The following LPAR3 variants were observed in gnomAD, a reference collection of about 807,000 sequenced individuals.
LPAR3 encodes the protein LPA receptor 3.
LPAR3 carries 7 observed loss-of-function variants against 17.8 expected under a neutral mutation model. The observed-to-expected ratio is 0.39, with a 90% confidence interval of 0.22 to 0.74. The LOEUF is 0.74. Among genes scored for constraint, LPAR3 ranks in the 30% least tolerant of loss-of-function variants. LPAR3 has a pLI of 0.40. For missense variants in LPAR3, 391 were observed against 453.4 expected, an observed-to-expected ratio of 0.86 and a Z score of 1.25; for synonymous variants, 179 against 179.9, an observed-to-expected ratio of 0.99 and a Z score of 0.04.
chr1:84,825,321 A>G (rs1659135596), intron 2 of LPAR3, among the ~76,000 whole-genome samples: 3 of 152,216 alleles, frequency 2.0e-5, no homozygotes, highest in Admixed American at 6.5e-5. Context: ...CAGATATTCA[A>G]TATCTAACAT....
chr1:84,889,116 A>G (rs548351054), intron 1 of LPAR3, among the ~76,000 whole-genome samples: 1 of 151,978 alleles, frequency 6.6e-6, no homozygotes, highest in East Asian at 1.9e-4. Flanking sequence ...AGGAATAAAG[A>G]GGAGGACATA....
At chr1:84,877,521 G>T (rs1321490681) in intron 1 of LPAR3, among the ~76,000 whole-genome samples, 1 of 152,174 alleles carries the variant, frequency 6.6e-6, no homozygotes, top group Non-Finnish European at 1.5e-5. Context: ...ATATTCCACA[G>T]CCTCATCTCA....
chr1:84,863,234 C>A (rs1659974814), intron 2 of LPAR3, among the ~76,000 whole-genome samples: 2 of 152,088 alleles, frequency 1.3e-5, no homozygotes, highest in Admixed American at 1.3e-4. Flanking sequence ...ACCACCATGG[C>A]CAGCTAATTT....
chr1:84,843,747 A>G (rs1247872595), intron 2 of LPAR3, among the ~76,000 whole-genome samples: 1 of 152,252 alleles, frequency 6.6e-6, no homozygotes, highest in Non-Finnish European at 1.5e-5. Context: ...AAGTAGCCCA[A>G]TTATCCTCTC....
intron 1 of LPAR3, among the ~76,000 whole-genome samples, chr1:84,882,070 A>C (rs142224208): frequency 2.0e-5 from 3 of 152,242 alleles, no homozygotes; most frequent in Non-Finnish European, 4.4e-5. Context: ...ACATGATCTT[A>C]TATGAAGAAA....
intron 2 of LPAR3, among the ~76,000 whole-genome samples, chr1:84,831,775 G>A (rs1418626244): frequency 1.3e-5 from 2 of 150,640 alleles, no homozygotes; most frequent in African/African-American, 2.4e-5. Flanking sequence ...AAAATTAGAG[G>A]AGAACCCCTA....
chr1:84,861,560 A>G lies in LPAR3; in HGVS notation c.736+3825T>C, dbSNP rs562951208. ...GATGAGGGAATCTAACCAAGAAAAG[A>G]TGAGCTGATGTGCTGCAGATCACCC... On this transcript the variant is annotated intron_variant, in intron 2 of 2. Coordinates refer to ENST00000370611, the MANE Select transcript of LPAR3 (RefSeq NM_012152.3). 8.7e-4 allele frequency among the ~76,000 whole-genome samples: 132 copies of G among 152,382 alleles called. 1 individual carries two copies. The highest frequency in any genetic ancestry group is 1.7e-3 in the Non-Finnish European group (114 of 68,042).
intron 2 of LPAR3, among the ~76,000 whole-genome samples, chr1:84,863,579 T>G (rs1459040754): frequency 6.6e-6 from 1 of 152,178 alleles, no homozygotes; most frequent in East Asian, 1.9e-4. Flanking sequence ...GCTCCATCCT[T>G]GGTCCTCCTC....
chr1:84,828,523 T>C (rs1351291253), intron 2 of LPAR3, among the ~76,000 whole-genome samples: 2 of 152,182 alleles, frequency 1.3e-5, no homozygotes, highest in Non-Finnish European at 2.9e-5. Flanking sequence ...CAAAGCAATG[T>C]TAGTAAGAGC....
intron 1 of LPAR3, among the ~76,000 whole-genome samples, chr1:84,874,262 T>A (rs546304337): frequency 6.6e-6 from 1 of 152,276 alleles, no homozygotes; most frequent in Non-Finnish European, 1.5e-5. Context: ...TCAGAGATGG[T>A]GACACGCAGG....
At chr1:84,833,881 T>C (rs923679977) in intron 2 of LPAR3, among the ~76,000 whole-genome samples, 1 of 152,206 alleles carries the variant, frequency 6.6e-6, no homozygotes, top group African/African-American at 2.4e-5. Context: ...GCTTTAAAGA[T>C]GGTCAAACTC....
chr1:84,888,838 C>T lies in LPAR3; in HGVS notation c.-19+4178G>A, dbSNP rs1182807080. On this transcript the variant is annotated intron_variant, in intron 1 of 2. Transcript: ENST00000370611. ...AGGCCAGGGCTAGTAGAAGCTCCAG[C>T]TTAATGTCCCAGGGAACAATGTAGA... Among the ~76,000 whole-genome samples, 6 of 152,178 alleles carry T rather than the reference C, an allele frequency of 3.9e-5. No homozygotes were observed. In the East Asian group the frequency reaches 9.6e-4, roughly 24 times the overall value.
In LPAR3 at chr1:84,814,169, C is replaced by T. The variant is rs201026085; in HGVS notation, c.739G>A (p.Ala247Thr). The part of the protein sequence containing the change: ...LMKTVMTVLG[A>T]FVVCWTPGLV... ...CCCGGGGTCCAGCATACCACAAACG[C>T]CCCTGCAAGGAGAGAAGAGGAGGCA... Residue 247 changes from alanine (A) to threonine (T), a missense_variant and splice_region_variant, in exon 3 of 3, where the codon GCG (alanine) becomes ACG (threonine). Ala to Thr is a moderately conservative substitution (Grantham distance 58). Transcript: ENST00000370611. The T allele has an allele frequency of 1.2e-5, 20 of 1,613,132 alleles. No individual in the cohort carries two copies. The East Asian group carries it at 4.2e-4, about 34-fold the overall frequency.
At chr1:84,829,856 T>C (rs146841883) in intron 2 of LPAR3, among the ~76,000 whole-genome samples, 160 of 151,962 alleles carry the variant, frequency 1.1e-3, no homozygotes, top group Non-Finnish European at 1.1e-3. Flanking sequence ...AAATAGAACA[T>C]GTATAAGAGA....
chr1:84,867,207 C>T (rs879846814), intron 1 of LPAR3, among the ~76,000 whole-genome samples: 2 of 152,196 alleles, frequency 1.3e-5, no homozygotes, highest in African/African-American at 4.8e-5. Flanking sequence ...TCTGTCTACA[C>T]GTGGTGGGGA....
At chr1:84,875,797 C>T (rs1272493436) in intron 1 of LPAR3, among the ~76,000 whole-genome samples, 1 of 152,130 alleles carries the variant, frequency 6.6e-6, no homozygotes, top group Admixed American at 6.5e-5. Flanking sequence ...ACCATATTCC[C>T]TTTCTCATTC....
intron 2 of LPAR3, among the ~76,000 whole-genome samples, chr1:84,844,177 ATGGT>A (rs1659556787): frequency 6.6e-6 from 1 of 152,366 alleles, no homozygotes; most frequent in South Asian, 2.1e-4. Flanking sequence ...ATGAATAAGA[ATGGT>A]GGCCAAATAT....
chr1:84,828,138 G>C (rs1659199293), intron 2 of LPAR3, among the ~76,000 whole-genome samples: 1 of 151,630 alleles, frequency 6.6e-6, no homozygotes, highest in Non-Finnish European at 1.5e-5. Flanking sequence ...TTTTTCTATT[G>C]CAGGCCCTCA....
intron 2 of LPAR3, among the ~76,000 whole-genome samples, chr1:84,860,056 A>T (rs973293991): frequency 1.3e-4 from 19 of 148,264 alleles, no homozygotes; most frequent in African/African-American, 4.4e-4. Flanking sequence ...GAGAACATTC[A>T]ATAAGCAACT....
Sources: allele counts gnomAD v4.1 joint callset (sites outside exome capture counted in the v4.1 genomes callset), GRCh38; gene constraint gnomAD v4.1.1; transcripts MANE v1.5; gene names NCBI Gene and HGNC (gene_info 2026-07-23, HGNC 2026-07-21).